Variants in SGCD observed in about 807,000 individuals in gnomAD.
SGCD encodes the protein delta-sarcoglycan.
SGCD carries 18 observed loss-of-function variants against 36.6 expected under a neutral mutation model. The observed-to-expected ratio is 0.49, with a 90% CI of 0.34 to 0.73. SGCD has a LOEUF of 0.73. Ranked by LOEUF, SGCD falls within the 30% of genes least tolerant of loss-of-function variation. The pLI is 0.01. For missense variants in SGCD, 387 were observed against 346.7 expected, an observed-to-expected ratio of 1.12 and a Z score of -0.92; for synonymous variants, 133 against 130.6, an observed-to-expected ratio of 1.02 and a Z score of -0.12.
chr5:156,334,281 A>G (rs1768215189), intron 2 of SGCD, among the ~76,000 whole-genome samples: 1 of 152,176 alleles, frequency 6.6e-6, no homozygotes, highest in Admixed American at 6.5e-5. Flanking sequence ...ATCTGCCACT[A>G]CTATTAGGAA....
intron 3 of SGCD, among the ~76,000 whole-genome samples, chr5:156,386,425 G>A (rs1771280987): frequency 6.6e-6 from 1 of 152,192 alleles, no homozygotes; most frequent in Non-Finnish European, 1.5e-5. Context: ...TACAATACAT[G>A]TGGCCAAGGG....
chr5:156,029,056 GAATT>G (rs1343438716), intron 1 of SGCD, among the ~76,000 whole-genome samples: 4 of 151,858 alleles, frequency 2.6e-5, no homozygotes, highest in East Asian at 1.9e-4. Flanking sequence ...TGCAATTAGA[GAATT>G]AATTAATTAA....
intron 3 of SGCD, among the ~76,000 whole-genome samples, chr5:156,205,490 C>G (rs993264745): frequency 3.9e-5 from 6 of 152,094 alleles, no homozygotes; most frequent in Non-Finnish European, 8.8e-5. Flanking sequence ...GACAATCATA[C>G]AGGCTGTCAT....
At chr5:155,963,242 A>AC (rs1757827010) in intron 1 of SGCD, among the ~76,000 whole-genome samples, 1 of 152,072 alleles carries the variant, frequency 6.6e-6, no homozygotes, top group African/African-American at 2.4e-5. Flanking sequence ...TTGAATTGAG[A>AC]AAAAAAGAAA....
intron 3 of SGCD, among the ~76,000 whole-genome samples, chr5:156,283,761 A>G (rs1302031240): frequency 6.6e-6 from 1 of 152,284 alleles, no homozygotes; most frequent in East Asian, 1.9e-4. Context: ...GGTTATGCCC[A>G]AGAATTTTTA....
intron 7 of SGCD, among the ~76,000 whole-genome samples, chr5:156,746,793 C>G (rs1345146968): frequency 1.3e-5 from 2 of 151,994 alleles, no homozygotes; most frequent in South Asian, 4.2e-4. Context: ...TCTTTGTGAC[C>G]TTGGGGTAGT....
chr5:156,552,533 C>T (rs915069158), intron 4 of SGCD, among the ~76,000 whole-genome samples: 1 of 152,068 alleles, frequency 6.6e-6, no homozygotes, highest in African/African-American at 2.4e-5. Context: ...AGAGGCGAGT[C>T]CAAACAGAAG....
At chr5:156,436,390 T>C (rs967549347) in intron 3 of SGCD, among the ~76,000 whole-genome samples, 2 of 152,244 alleles carry the variant, frequency 1.3e-5, no homozygotes, top group African/African-American at 4.8e-5. Context: ...ACAAATGGGT[T>C]CTTATCATAT....
the SGCD span, among the ~76,000 whole-genome samples, chr5:155,828,845 C>T: frequency 6.6e-6 from 1 of 151,952 alleles, no homozygotes. Context: ...TGCCACCATG[C>T]CCAGCTAATT....
At chr5:156,357,461 G>A (rs76499093) in intron 3 of SGCD, among the ~76,000 whole-genome samples, 5,204 of 152,302 alleles carry the variant, frequency 0.034, 235 homozygotes, top group African/African-American at 0.097. Flanking sequence ...ATAATGTTCA[G>A]TGGCAATGGT....
intron 3 of SGCD, among the ~76,000 whole-genome samples, chr5:156,269,204 T>C (rs1399341938): frequency 6.6e-6 from 1 of 151,780 alleles, no homozygotes; most frequent in Non-Finnish European, 1.5e-5. Flanking sequence ...GCACGGTGGC[T>C]CACACCTGTA....
chr5:155,769,878 G>A, the SGCD span, among the ~76,000 whole-genome samples: 1 of 151,874 alleles, frequency 6.6e-6, no homozygotes, highest in African/African-American at 2.4e-5. Flanking sequence ...ACCTGATGTC[G>A]CCTCACCAAT....
intron 4 of SGCD, among the ~76,000 whole-genome samples, chr5:156,542,409 T>A (rs1204176735): frequency 6.6e-6 from 1 of 152,202 alleles, no homozygotes; most frequent in African/African-American, 2.4e-5. Flanking sequence ...TTAAACATAG[T>A]CACCTTTGAA....
chr5:156,440,417 G>A (rs58106700), intron 3 of SGCD, among the ~76,000 whole-genome samples: 32,047 of 152,078 alleles, frequency 0.21, 3,961 homozygotes, highest in African/African-American at 0.34. Flanking sequence ...AAATAATGCT[G>A]CGATGAACAA....
intron 4 of SGCD, among the ~76,000 whole-genome samples, chr5:156,515,078 C>G (rs1216833590): frequency 3.3e-5 from 5 of 152,036 alleles, no homozygotes; most frequent in Admixed American, 6.6e-5. Flanking sequence ...AGACTTATTA[C>G]TCTCAAAGAA....
In SGCD at chr5:156,755,036, C is replaced by T. The variant is rs538774550; in HGVS notation, c.576-2545C>T. On this transcript the variant is annotated intron_variant, in intron 7 of 8. Transcript: ENST00000337851. Reference sequence around the variant, plus strand: ...AACTTGAGACACAGTTACAATAGTCCGGGTTACAGGCAACCCTTTCATAAC... The same window carrying T: ...AACTTGAGACACAGTTACAATAGTCTGGGTTACAGGCAACCCTTTCATAAC... Among the ~76,000 whole-genome samples, 23 of 152,224 alleles carry T rather than the reference C, an allele frequency of 1.5e-4. No individual in the cohort carries two copies. The East Asian group carries it at 3.3e-3, about 22-fold the overall frequency.
At chr5:155,785,572 C>A in the SGCD span, among the ~76,000 whole-genome samples, 1 of 152,152 alleles carries the variant, frequency 6.6e-6, no homozygotes. Flanking sequence ...TCTCCTTCCC[C>A]TTCCCTTTCC....
intron 1 of SGCD, among the ~76,000 whole-genome samples, chr5:155,911,854 A>G (rs1464167281): frequency 1.3e-5 from 2 of 152,080 alleles, no homozygotes; most frequent in Non-Finnish European, 2.9e-5. Context: ...TACCTGGTCC[A>G]TTGTACACTG....
chr5:156,653,967 G>A (rs1009794910), intron 7 of SGCD, among the ~76,000 whole-genome samples: 1 of 152,104 alleles, frequency 6.6e-6, no homozygotes, highest in Non-Finnish European at 1.5e-5. Context: ...GTAGCAAAAT[G>A]GAGGGAAAAG....
Sources: allele counts gnomAD v4.1 joint callset (sites outside exome capture counted in the v4.1 genomes callset), GRCh38; gene constraint gnomAD v4.1.1; transcripts MANE v1.5; gene names NCBI Gene and HGNC (gene_info 2026-07-23, HGNC 2026-07-21).